The following LMAN1 variants were observed in gnomAD, a reference collection of about 807,000 sequenced individuals.
LMAN1 encodes the protein protein ERGIC-53.
In LMAN1, 32 loss-of-function variants were observed where a neutral mutation model predicts 67.8. That is an observed-to-expected ratio of 0.47 (90% CI 0.36 to 0.63). The LOEUF is 0.63. Ranked by LOEUF, LMAN1 falls within the 30% of genes least tolerant of loss-of-function variation. The probability of loss-of-function intolerance (pLI) is 0.00; values close to 1 mark genes in which losing one functional copy is unlikely to be tolerated. For missense variants in LMAN1, 632 were observed against 628.2 expected, an observed-to-expected ratio of 1.01 and a Z score of -0.06; for synonymous variants, 235 against 219.3, an observed-to-expected ratio of 1.07 and a Z score of -0.63.
At chr18:59,340,890 C>A (rs1908272041) in intron 8 of LMAN1, among the ~76,000 whole-genome samples, 1 of 152,062 alleles carries the variant, frequency 6.6e-6, no homozygotes, top group African/African-American at 2.4e-5. Context: ...ACCTTGAATG[C>A]AGATGGATTA....
intron 10 of LMAN1, among the ~76,000 whole-genome samples, chr18:59,335,092 A>G (rs770605425): frequency 6.6e-6 from 1 of 152,196 alleles, no homozygotes; most frequent in Non-Finnish European, 1.5e-5. Flanking sequence ...GCAAAGCACA[A>G]AAGAGTATCT....
At chr18:59,335,651 T>C (rs1437354657) in intron 10 of LMAN1, among the ~76,000 whole-genome samples, 1 of 151,828 alleles carries the variant, frequency 6.6e-6, no homozygotes, top group East Asian at 1.9e-4. Flanking sequence ...ATACCCAAAA[T>C]ACAAACAATT....
rs891040432 is a variant in LMAN1 at position 59,339,034 on chromosome 18, A to G, written c.956-81T>C. On this transcript the variant is annotated intron_variant, in intron 8 of 12. Coordinates refer to ENST00000251047, the MANE Select transcript of LMAN1 (RefSeq NM_005570.4). The stretch of plus-strand genomic sequence containing the variant: ...AAATAACGTAAGTGACCAAAGTGCC[A>G]ACATTCAGCAAAATTAGGACATCAC... 4 of 1,162,410 alleles carry G rather than the reference A, an allele frequency of 3.4e-6. No homozygotes were observed. In the African/African-American group the frequency reaches 6.0e-5, roughly 18 times the overall value. The allele number at this position is 1,162,410 out of a possible 1,614,324, so 72.0% of individuals were successfully genotyped here. A position where few individuals can be genotyped will look rare whatever the true frequency, so the allele number is the denominator to read the frequency against.
intron 10 of LMAN1, among the ~76,000 whole-genome samples, chr18:59,336,741 G>A (rs531672822): frequency 1.3e-5 from 2 of 152,016 alleles, no homozygotes; most frequent in African/African-American, 4.8e-5. Context: ...AAAATTAGCT[G>A]GGTGTGGTGG....
chr18:59,353,325 C>G, intron 4 of LMAN1, 24 bp from the exon 5 acceptor site: 1 of 1,495,398 alleles, frequency 6.7e-7, no homozygotes, highest in Non-Finnish European at 9.3e-7. Flanking sequence ...GGGAGGAAAA[C>G]AGACAAGACA....
rs937845304 is a variant in LMAN1 at position 59,328,922 on chromosome 18, T to C, written c.*2171A>G. 3.1e-4 allele frequency: 47 copies of C among 152,300 alleles called. No individual in the cohort carries two copies. Among genetic ancestry groups the C allele is most frequent in the African/African-American group, 1.0e-3 (43 of 41,552 alleles). 9.4% of individuals were successfully genotyped at this position (152,300 alleles called of 1,614,324 possible). ...AAAGTGGCATCATAGACACAATGAC[T>C]TACATAAAAATTTTAAAATCAATTT... On this transcript the variant is annotated 3_prime_UTR_variant, in exon 13 of 13. Coordinates refer to ENST00000251047, the MANE Select transcript of LMAN1 (RefSeq NM_005570.4).
intron 7 of LMAN1, among the ~76,000 whole-genome samples, chr18:59,346,870 C>G (rs1237777619): frequency 6.6e-6 from 1 of 152,042 alleles, no homozygotes; most frequent in Admixed American, 6.5e-5. Context: ...ACTTGCTATA[C>G]GTGCACTGTC....
At chr18:59,337,577 G>C (rs1364640608) in intron 10 of LMAN1, among the ~76,000 whole-genome samples, 1 of 152,114 alleles carries the variant, frequency 6.6e-6, no homozygotes, top group Non-Finnish European at 1.5e-5. Context: ...TCTAAAATTA[G>C]ATCGAAATAA....
rs373714295 is a variant in LMAN1 at position 59,338,965 on chromosome 18, A to G, written c.956-12T>C. The G allele has an allele frequency of 1.9e-6, 3 of 1,607,508 alleles. No individual in the cohort carries two copies. In the African/African-American group the frequency reaches 4.0e-5, roughly 21 times the overall value. On this transcript the variant is annotated splice_polypyrimidine_tract_variant and intron_variant, in intron 8 of 12. Transcript: ENST00000251047. ...AAATATTTCCTCCGCTGAAAAGGAA[A>G]TAAATAAAAATGATCAGAGTCACCT...
intron 8 of LMAN1, among the ~76,000 whole-genome samples, chr18:59,344,445 ATATG>A (rs1908355644): frequency 2.0e-5 from 3 of 152,124 alleles, no homozygotes; most frequent in Admixed American, 1.3e-4. Flanking sequence ...GTGTGTGTAT[ATATG>A]TATGTATATA....
chr18:59,338,454 C>T, intron 10 of LMAN1, 103 bp downstream of exon 10: 1 of 854,020 alleles, frequency 1.2e-6, no homozygotes, highest in South Asian at 1.4e-5. Flanking sequence ...GGGATTCTTA[C>T]CCTCATGCAG....
chr18:59,332,998 G>A, intron 11 of LMAN1, 93 bp downstream of exon 11: 1 of 1,015,134 alleles, frequency 9.9e-7, no homozygotes, highest in East Asian at 2.5e-5. Flanking sequence ...ATAAGCATTA[G>A]CATTAACTAA....
Position 59,328,653 on chromosome 18 carries a change from T to A in LMAN1, c.*2440A>T, listed in dbSNP as rs2070728216. ...CTGAGGTGCCTATTGAACAATGACA[T>A]CCCAAAGCCCCACCCCTAAGATTTG... On this transcript the variant is annotated 3_prime_UTR_variant, in exon 13 of 13. Coordinates refer to ENST00000251047, the MANE Select transcript of LMAN1 (RefSeq NM_005570.4). 2 of 152,094 alleles carry A rather than the reference T, an allele frequency of 1.3e-5. No individual in the cohort carries two copies. Among genetic ancestry groups the A allele is most frequent in the South Asian group, 4.2e-4 (2 of 4,808 alleles). 9.4% of individuals were successfully genotyped at this position (152,094 alleles called of 1,614,324 possible).
chr18:59,352,366 A>G (rs1908562305), intron 5 of LMAN1, among the ~76,000 whole-genome samples: 1 of 152,208 alleles, frequency 6.6e-6, no homozygotes. Flanking sequence ...GGTACTAAGA[A>G]TACTGGGACC....
intron 5 of LMAN1, among the ~76,000 whole-genome samples, chr18:59,352,356 G>A (rs1030463631): frequency 3.9e-5 from 6 of 152,184 alleles, no homozygotes; most frequent in African/African-American, 1.4e-4. Flanking sequence ...CAAGAAAACT[G>A]GTACTAAGAA....
At position 59,355,520 on chromosome 18, in the gene LMAN1, A is replaced by G; in HGVS notation, c.353T>C (p.Ile118Thr). ...VTFRVTGRGR[I>T]GADGLAIWYA... ...TGATCATACTAGGCCATCAGCTCCA[A>G]TTCGACCTCTTCCAGTCACTCGAAA... The change falls in exon 2 of 13, where the codon ATT becomes ACT. Residue 118 changes from isoleucine (I) to threonine (T), a missense_variant. By Grantham distance (89) the Ile-to-Thr change is moderately conservative (BLOSUM62 -1). Transcript: ENST00000251047. 1.2e-6 allele frequency: 2 copies of G among 1,614,068 alleles called. No individual in the cohort carries two copies. The highest frequency in any genetic ancestry group is 1.7e-6 in the Non-Finnish European group (2 of 1,179,948).
chr18:59,337,970 T>C (rs1056282830), intron 10 of LMAN1, among the ~76,000 whole-genome samples: 5 of 152,332 alleles, frequency 3.3e-5, no homozygotes, highest in Admixed American at 3.3e-4. Flanking sequence ...CTCCAGGCAT[T>C]GAAAGCTATT....
intron 4 of LMAN1, 111 bp downstream of exon 4, chr18:59,354,402 CAAGAAA>C (rs1908612914): frequency 2.9e-6 from 2 of 682,698 alleles, no homozygotes. Context: ...AAATATGTCT[CAAGAAA>C]AAGAACAGTA....
At chr18:59,349,338 T>C (rs1008665487) in intron 5 of LMAN1, 102 bp from the exon 6 acceptor site, 31 of 1,043,282 alleles carry the variant, frequency 3.0e-5, no homozygotes, top group African/African-American at 1.3e-4. Flanking sequence ...TTCATTATTA[T>C]AAAGAGTAAT....
Sources: gnomAD v4.1 joint callset for allele counts (sites outside exome capture counted in the v4.1 genomes callset) on GRCh38, gnomAD v4.1.1 for gene constraint, MANE v1.5 for transcripts, NCBI Gene and HGNC (gene_info 2026-07-23, HGNC 2026-07-21) for gene names.